The following ANXA3 variants were observed in gnomAD, a reference collection of about 807,000 sequenced individuals.
ANXA3 encodes 35-alpha calcimedin.
In ANXA3, 46 loss-of-function variants were observed where a neutral mutation model predicts 48.8. The observed-to-expected ratio is 0.94, with a 90% CI of 0.74 to 1.21. The LOEUF (loss-of-function observed/expected upper bound fraction) is 1.21. Among genes scored for constraint, ANXA3 ranks in the 50% most tolerant of loss-of-function variants. The probability of loss-of-function intolerance (pLI) is 0.00; values close to 1 mark genes in which losing one functional copy is unlikely to be tolerated. For missense variants in ANXA3, 383 were observed against 378.6 expected (o/e 1.01, Z -0.10); for synonymous variants, 128 against 134.7 (o/e 0.95, Z 0.35).
chr4:78,573,096 C>G (rs1722872137), intron 2 of ANXA3, 84 bp from the exon 3 acceptor site: 1 of 1,008,790 alleles, frequency 9.9e-7, no homozygotes, highest in Non-Finnish European at 1.6e-6. Flanking sequence ...TCATATGCCT[C>G]TCATATGCAT....
At chr4:78,599,130 A>C (rs1276210590) in intron 10 of ANXA3, among the ~76,000 whole-genome samples, 2 of 152,186 alleles carry the variant, frequency 1.3e-5, no homozygotes, top group Admixed American at 6.5e-5. Context: ...TTTTATTGAG[A>C]TATAACTTAC....
chr4:78,597,267 C>A, intron 9 of ANXA3, 52 bp from the exon 10 acceptor site: 1 of 1,200,070 alleles, frequency 8.3e-7, no homozygotes, highest in Non-Finnish European at 1.2e-6. Context: ...AGAATATATT[C>A]AAATGTGCTC....
intron 6 of ANXA3, among the ~76,000 whole-genome samples, chr4:78,587,388 G>T (rs1723200066): frequency 6.6e-6 from 1 of 152,190 alleles, no homozygotes; most frequent in Admixed American, 6.5e-5. Flanking sequence ...TAGCATAACT[G>T]AGCTGTAGTC....
intron 6 of ANXA3, among the ~76,000 whole-genome samples, chr4:78,590,952 A>G (rs1207897210): frequency 2.0e-5 from 3 of 152,116 alleles, no homozygotes; most frequent in Non-Finnish European, 4.4e-5. Flanking sequence ...GCCATCACTA[A>G]GAAGTGGTCC....
At position 78,563,548 on chromosome 4, in the gene ANXA3, A is replaced by C. The variant is rs144613225; in HGVS notation, c.15+9060A>C. On this transcript the variant is annotated intron_variant, in intron 2 of 12. Transcript: ENST00000264908. ...GTCACGTCTTCTGCCATGTGAGAAC[A>C]CAGCCAGAAGGTGCCGTATATGAAC... Among the ~76,000 whole-genome samples the C allele has an allele frequency of 4.9e-4, 75 of 152,284 alleles. 3 individuals are homozygous for C. In the East Asian group the frequency reaches 0.013, roughly 26 times the overall value.
At chr4:78,593,655 G>A (rs770158537) in intron 7 of ANXA3, among the ~76,000 whole-genome samples, 3 of 134,724 alleles carry the variant, frequency 2.2e-5, no homozygotes, top group Admixed American at 1.4e-4. Flanking sequence ...TTATTATTTT[G>A]AGACAGGATC....
At chr4:78,604,524 G>A (rs1309117786) in intron 12 of ANXA3, 125 bp downstream of exon 12, 2 of 787,396 alleles carry the variant, frequency 2.5e-6, no homozygotes, top group Non-Finnish European at 3.7e-6. Context: ...ATGTATAAAT[G>A]TGTTGTCTGA....
intron 6 of ANXA3, among the ~76,000 whole-genome samples, chr4:78,586,582 A>G (rs1723184303): frequency 6.6e-6 from 1 of 152,254 alleles, no homozygotes. Flanking sequence ...CATTTATAAT[A>G]TTACAGCTGC....
rs538104867 is a variant in ANXA3, at chr4:78,572,070, C to T, written c.16-1110C>T. Among the ~76,000 whole-genome samples, 58 of 152,264 alleles carry T rather than the reference C, an allele frequency of 3.8e-4. No individual in the cohort carries two copies. The South Asian group carries it at 0.011, about 28-fold the overall frequency. ...TCTGTAAACCACAGTTACTTCTGTG[C>T]GAGATGCCATGATGAGCTTTGAATT... On this transcript the variant is annotated intron_variant, in intron 2 of 12. Transcript: ENST00000264908.
Position 78,554,457 on chromosome 4 carries a change from G to T in ANXA3, c.-17G>T, listed in dbSNP as rs1359254121. ...ATAGATTAGTGTGATCTCAGCTCAA[G>T]GCAAAGGTGGGATATCATGGCATCT... On this transcript the variant is annotated 5_prime_UTR_variant, in exon 2 of 13. The change creates a new upstream start codon in the 5' untranslated region. Transcript: ENST00000264908. 2.5e-6 allele frequency: 4 copies of T among 1,611,768 alleles called. No homozygotes were observed. In the Admixed American group the frequency reaches 6.7e-5, roughly 27 times the overall value.
At chr4:78,595,012 T>C (rs1297887935) in intron 7 of ANXA3, among the ~76,000 whole-genome samples, 6 of 152,214 alleles carry the variant, frequency 3.9e-5, no homozygotes, top group Non-Finnish European at 5.9e-5. Flanking sequence ...TGTGCACCTG[T>C]AGTCATATTA....
In ANXA3 at chr4:78,597,397, A is replaced by G. The variant is rs772148534; in HGVS notation, c.713A>G (p.Asp238Gly). The change falls in exon 10 of 13, where the codon GAC (aspartate) becomes GGC (glycine). Residue 238 changes from aspartate (D) to glycine (G), a missense_variant. By Grantham distance (94) the Asp-to-Gly change is moderately conservative. Transcript: ENST00000264908. Reference protein sequence around the residue: ...IKGELSGHFEDLLLAIVNCVR... With the variant: ...IKGELSGHFEGLLLAIVNCVR... ...GGAGAATTATCTGGGCATTTTGAAG[A>G]CTTACTGTTGGCCATAGGTAAGACT... 6.2e-7 allele frequency: 1 copy of G among 1,608,188 alleles called. No individual in the cohort carries two copies. The highest frequency in any genetic ancestry group is 1.1e-5 in the South Asian group (1 of 90,268).
intron 3 of ANXA3, among the ~76,000 whole-genome samples, chr4:78,574,737 A>G (rs1164795084): frequency 6.6e-6 from 1 of 152,210 alleles, no homozygotes; most frequent in African/African-American, 2.4e-5. Flanking sequence ...TTGCATCACT[A>G]TATCAGAAGA....
At chr4:78,589,660 T>C (rs1275206038) in intron 6 of ANXA3, among the ~76,000 whole-genome samples, 2 of 152,208 alleles carry the variant, frequency 1.3e-5, no homozygotes, top group African/African-American at 2.4e-5. Flanking sequence ...GGCTACTGTT[T>C]TCTTCATTAT....
chr4:78,591,516 G>T, intron 6 of ANXA3, 28 bp from the exon 7 acceptor site: 2 of 1,510,148 alleles, frequency 1.3e-6, no homozygotes, highest in Non-Finnish European at 1.8e-6. Flanking sequence ...GTTTGTCAAG[G>T]CTTAATTTCA....
intron 10 of ANXA3, among the ~76,000 whole-genome samples, chr4:78,600,443 G>T (rs1224354464): frequency 6.6e-6 from 1 of 152,168 alleles, no homozygotes. Flanking sequence ...TGACTGGAAA[G>T]CTTAATAGGA....
intron 9 of ANXA3, among the ~76,000 whole-genome samples, chr4:78,596,708 G>T (rs1723430622): frequency 6.6e-6 from 1 of 152,182 alleles, no homozygotes; most frequent in Non-Finnish European, 1.5e-5. Context: ...ACAAAAACCA[G>T]ATAACCCTAG....
intron 2 of ANXA3, among the ~76,000 whole-genome samples, chr4:78,571,343 G>A (rs1274389675): frequency 6.6e-6 from 1 of 152,104 alleles, no homozygotes; most frequent in Non-Finnish European, 1.5e-5. Flanking sequence ...GTATCTTCAG[G>A]TCAGGAACAT....
At chr4:78,589,647 C>T (rs1336774455) in intron 6 of ANXA3, among the ~76,000 whole-genome samples, 6 of 152,160 alleles carry the variant, frequency 3.9e-5, no homozygotes, top group African/African-American at 1.4e-4. Flanking sequence ...TTTGGTTATT[C>T]TTGGCTACTG....
Sources: gnomAD v4.1 joint callset for allele counts (sites outside exome capture counted in the v4.1 genomes callset) on GRCh38, gnomAD v4.1.1 for gene constraint, MANE v1.5 for transcripts, NCBI Gene and HGNC (gene_info 2026-07-23, HGNC 2026-07-21) for gene names.